ZNF532: variants seen among roughly 807,000 people sequenced by gnomAD.
ZNF532 encodes the protein zinc finger protein 532.
In ZNF532, 22 loss-of-function variants were observed where a neutral mutation model predicts 89.3. That is an observed-to-expected ratio of 0.25 (90% CI 0.18 to 0.35). ZNF532 has a LOEUF of 0.35. Ranked by LOEUF, ZNF532 falls within the 10% of genes least tolerant of loss-of-function variation. The pLI is 1.00. For missense variants in ZNF532, 1,132 were observed against 1,643.4 expected, an observed-to-expected ratio of 0.69 and a Z score of 5.38; for synonymous variants, 606 against 649.6, an observed-to-expected ratio of 0.93 and a Z score of 1.02.
intron 2 of ZNF532, among the ~76,000 whole-genome samples, chr18:58,875,125 A>G (rs1001997283): frequency 3.3e-5 from 5 of 151,956 alleles, no homozygotes; most frequent in African/African-American, 4.8e-5. Context: ...AATTCATAAC[A>G]TTTTGGCTAT....
At chr18:58,975,707 C>G (rs143387692) in intron 7 of ZNF532, among the ~76,000 whole-genome samples, 29 of 152,280 alleles carry the variant, frequency 1.9e-4, no homozygotes, top group African/African-American at 6.5e-4. Context: ...GAAGTGTACC[C>G]AAGTGTTTAT....
At chr18:58,978,867 A>C (rs561006021) in intron 7 of ZNF532, among the ~76,000 whole-genome samples, 188 bp from the exon 8 acceptor site, 1 of 152,354 alleles carries the variant, frequency 6.6e-6, no homozygotes, top group South Asian at 2.1e-4. Flanking sequence ...TGCATGACAC[A>C]GTTCTGACTG....
intron 2 of ZNF532, among the ~76,000 whole-genome samples, chr18:58,888,789 T>TTAATATATATAATTTATATATATATAAA (rs2058581880): frequency 2.0e-5 from 1 of 49,478 alleles, no homozygotes; most frequent in Non-Finnish European, 3.1e-5. Context: ...ATATATAAAA[T>TTAATATATATAATTTATATATATATAAA]ATATATAATT....
At chr18:58,961,624 G>C (rs1341627238) in intron 7 of ZNF532, among the ~76,000 whole-genome samples, 2 of 152,264 alleles carry the variant, frequency 1.3e-5, no homozygotes, top group African/African-American at 4.8e-5. Flanking sequence ...GTCACCTGCA[G>C]TAAGGTGGCC....
chr18:58,974,111 C>T (rs945769813), intron 7 of ZNF532, among the ~76,000 whole-genome samples: 1 of 152,098 alleles, frequency 6.6e-6, no homozygotes, highest in Non-Finnish European at 1.5e-5. Flanking sequence ...TAAACTATAT[C>T]TCAATAAGCT....
chr18:58,891,774 G>A (rs1054798582), intron 2 of ZNF532, among the ~76,000 whole-genome samples: 3 of 152,100 alleles, frequency 2.0e-5, no homozygotes, highest in African/African-American at 7.2e-5. Context: ...GTTGTTGAAC[G>A]TGCCATCCTC....
At chr18:58,876,390 C>T (rs73437992) in intron 2 of ZNF532, among the ~76,000 whole-genome samples, 2,530 of 152,276 alleles carry the variant, frequency 0.017, 87 homozygotes, top group African/African-American at 0.057. Context: ...CCCTTGGTCT[C>T]GGACCTGCTT....
At chr18:58,903,965 T>C (rs1318780569) in intron 2 of ZNF532, among the ~76,000 whole-genome samples, 1 of 152,216 alleles carries the variant, frequency 6.6e-6, no homozygotes, top group Non-Finnish European at 1.5e-5. Flanking sequence ...TGGGAACAGT[T>C]GAACTAATTT....
chr18:58,949,922 A>G (rs1389553886), intron 6 of ZNF532, among the ~76,000 whole-genome samples: 2 of 152,196 alleles, frequency 1.3e-5, no homozygotes, highest in East Asian at 3.8e-4. Context: ...AGCATGGGAG[A>G]TGCATTTCAT....
chr18:58,871,224 C>A (rs1029801783), intron 2 of ZNF532, among the ~76,000 whole-genome samples: 8 of 152,190 alleles, frequency 5.3e-5, no homozygotes, highest in Middle Eastern at 3.4e-3. Flanking sequence ...GTCTGTTATC[C>A]CATTTTTCTG....
intron 5 of ZNF532, among the ~76,000 whole-genome samples, chr18:58,941,990 C>CCCTT (rs74175864): frequency 1.2e-4 from 15 of 125,784 alleles, no homozygotes; most frequent in East Asian, 2.7e-4. Flanking sequence ...TTCCCTCCTT[C>CCCTT]CCTTCCTTCC....
intron 6 of ZNF532, 62 bp from the exon 7 acceptor site, chr18:58,953,456 A>G: frequency 6.9e-7 from 1 of 1,446,020 alleles, no homozygotes; most frequent in South Asian, 1.3e-5. Flanking sequence ...AAGATAGCAT[A>G]CTTGTGCTTT....
At chr18:58,915,505 G>GAA (rs2060540185) in intron 2 of ZNF532, among the ~76,000 whole-genome samples, 1 of 152,212 alleles carries the variant, frequency 6.6e-6, no homozygotes, top group Non-Finnish European at 1.5e-5. Context: ...GGGGTTTGCA[G>GAA]GCATGGGAGT....
intron 2 of ZNF532, among the ~76,000 whole-genome samples, chr18:58,881,825 A>G (rs2057949894): frequency 6.6e-6 from 1 of 152,206 alleles, no homozygotes; most frequent in Admixed American, 6.5e-5. Context: ...CAATGTCCAT[A>G]AACATTAAGA....
chr18:58,866,438 A>G (rs1473110401), intron 2 of ZNF532, among the ~76,000 whole-genome samples: 1 of 152,206 alleles, frequency 6.6e-6, no homozygotes. Context: ...TCCTTGTGAA[A>G]AGAACTGCAA....
At chr18:58,960,016 G>A (rs1452513902) in intron 7 of ZNF532, among the ~76,000 whole-genome samples, 2 of 152,264 alleles carry the variant, frequency 1.3e-5, no homozygotes, top group African/African-American at 4.8e-5. Context: ...TTGGCTCACT[G>A]CAACCTCCAC....
chr18:58,879,264 T>G (rs1463722443), intron 2 of ZNF532, among the ~76,000 whole-genome samples: 1 of 152,156 alleles, frequency 6.6e-6, no homozygotes, highest in Non-Finnish European at 1.5e-5. Flanking sequence ...AGAATGTCAT[T>G]GTGAGAAAAA....
At chr18:58,964,531 TTGTTTGTGTGTG>T (rs1182402221) in intron 7 of ZNF532, among the ~76,000 whole-genome samples, 9 of 136,914 alleles carry the variant, frequency 6.6e-5, no homozygotes, top group East Asian at 2.1e-4. Flanking sequence ...AATTGATATT[TTGTTTGTGTGTG>T]TGTGTGTGTG....
At chr18:58,901,441 C>T (rs1178936466) in intron 2 of ZNF532, among the ~76,000 whole-genome samples, 2 of 152,144 alleles carry the variant, frequency 1.3e-5, no homozygotes, top group Non-Finnish European at 2.9e-5. Flanking sequence ...CCTTGGGGAG[C>T]TGAGTCCACG....
Sources: allele counts gnomAD v4.1 joint callset (sites outside exome capture counted in the v4.1 genomes callset), GRCh38; gene constraint gnomAD v4.1.1; transcripts MANE v1.5; gene names NCBI Gene and HGNC (gene_info 2026-07-23, HGNC 2026-07-21).